Variants in BRI3BP observed in about 807,000 individuals in gnomAD.
BRI3BP encodes BRI3 binding protein, also known as BRI3-binding protein.
Under a neutral mutation model 15.8 loss-of-function variants are expected in BRI3BP, and 7 were observed. The ratio of observed to expected loss-of-function variants is 0.44; its 90% CI spans 0.25 to 0.83. The LOEUF is 0.83. Ranked by LOEUF, BRI3BP falls within the 40% of genes least tolerant of loss-of-function variation. The pLI, the probability that BRI3BP is intolerant of heterozygous loss-of-function variation, is 0.20. For synonymous variants in BRI3BP, 192 were observed against 163.5 expected (o/e 1.17, Z -1.33); for missense variants, 320 against 339.3 (o/e 0.94, Z 0.45).
chr12:125,042,479 C>CT, the BRI3BP span, among the ~76,000 whole-genome samples: 2,013 of 143,000 alleles, frequency 0.014, 33 homozygotes, highest in African/African-American at 0.046. Context: ...TGAATTTCAT[C>CT]TTTTTTTTTT....
At chr12:125,011,615 C>T (rs73229601) in intron 1 of BRI3BP, among the ~76,000 whole-genome samples, 20,813 of 152,066 alleles carry the variant, frequency 0.14, 1,535 homozygotes, top group Admixed American at 0.16. Flanking sequence ...AGGGTTCCTC[C>T]GGAGGGGGAT....
At chr12:125,049,367 C>T in the BRI3BP span, among the ~76,000 whole-genome samples, 3 of 152,168 alleles carry the variant, frequency 2.0e-5, no homozygotes, top group Non-Finnish European at 4.4e-5. Flanking sequence ...AGCTTGGTTC[C>T]CTCCTATTCC....
intron 2 of BRI3BP, among the ~76,000 whole-genome samples, chr12:125,024,324 A>C (rs1955328514): frequency 8.2e-6 from 1 of 121,640 alleles, no homozygotes; most frequent in Admixed American, 9.1e-5. Flanking sequence ...ATCACCCCCC[A>C]CGAGGTTCCT....
At chr12:124,998,646 G>A (rs1214405737) in intron 1 of BRI3BP, among the ~76,000 whole-genome samples, 3 of 152,146 alleles carry the variant, frequency 2.0e-5, no homozygotes, top group African/African-American at 7.2e-5. Flanking sequence ...TTGATCTAGG[G>A]TTTCCTTTTG....
chr12:125,013,446 A>G (rs1316453973), intron 2 of BRI3BP, among the ~76,000 whole-genome samples: 3 of 152,228 alleles, frequency 2.0e-5, no homozygotes, highest in African/African-American at 7.2e-5. Flanking sequence ...CACAACAACT[A>G]GACTTTGCAT....
intron 1 of BRI3BP, among the ~76,000 whole-genome samples, chr12:124,995,527 CTT>C (rs1022083913): frequency 2.0e-5 from 3 of 152,176 alleles, no homozygotes; most frequent in Non-Finnish European, 4.4e-5. Context: ...TTATTTAAGA[CTT>C]TTACTTAAAT....
At chr12:124,999,194 C>T (rs1249159528) in intron 1 of BRI3BP, among the ~76,000 whole-genome samples, 4 of 152,126 alleles carry the variant, frequency 2.6e-5, no homozygotes, top group African/African-American at 7.2e-5. Context: ...AATGCCAGGT[C>T]GAGAAACTAG....
At chr12:125,050,404 C>T in the BRI3BP span, among the ~76,000 whole-genome samples, 5 of 150,760 alleles carry the variant, frequency 3.3e-5, no homozygotes, top group Non-Finnish European at 5.9e-5. Context: ...TAAAAAGGAA[C>T]GCCACCAAAA....
intron 1 of BRI3BP, among the ~76,000 whole-genome samples, chr12:125,000,071 C>CTTT (rs35258984): frequency 7.6e-5 from 3 of 39,378 alleles, no homozygotes; most frequent in East Asian, 8.8e-4. Context: ...TTTGTTTTTG[C>CTTT]TTTTTTTTTT....
chr12:125,023,428 G>GCT (rs895260992), intron 2 of BRI3BP, among the ~76,000 whole-genome samples: 4 of 152,196 alleles, frequency 2.6e-5, no homozygotes, highest in Non-Finnish European at 4.4e-5. Context: ...TGCAAGAGAG[G>GCT]CTAGGAAATG....
At chr12:125,036,035 G>A (rs932104624), downstream of BRI3BP, among the ~76,000 whole-genome samples, 7 of 148,460 alleles carry the variant, frequency 4.7e-5, no homozygotes, top group Admixed American at 2.1e-4. Context: ...TTAACAAAAT[G>A]AGTAATCTAT....
intron 1 of BRI3BP, among the ~76,000 whole-genome samples, chr12:125,009,634 A>AT (rs1955180143): frequency 6.7e-6 from 1 of 149,110 alleles, no homozygotes; most frequent in African/African-American, 2.5e-5. Flanking sequence ...GGGGGGTCTC[A>AT]TTTTGTTGCC....
At chr12:125,015,512 T>A (rs1026135339) in intron 2 of BRI3BP, among the ~76,000 whole-genome samples, 3 of 152,020 alleles carry the variant, frequency 2.0e-5, no homozygotes, top group African/African-American at 7.2e-5. Flanking sequence ...GATGAATTTC[T>A]GTTGTAAACC....
chr12:124,994,340 A>G (rs888659454), intron 1 of BRI3BP, among the ~76,000 whole-genome samples: 4 of 151,728 alleles, frequency 2.6e-5, no homozygotes, highest in South Asian at 4.2e-4. Flanking sequence ...AATGGCTCCT[A>G]CTGTGAGCCA....
At chr12:125,042,962 T>C in the BRI3BP span, among the ~76,000 whole-genome samples, 3 of 152,166 alleles carry the variant, frequency 2.0e-5, no homozygotes, top group Admixed American at 6.6e-5. Context: ...AAAGATGGAT[T>C]CATTTTATCC....
the BRI3BP span, among the ~76,000 whole-genome samples, chr12:125,048,015 TAA>T: frequency 0.42 from 57,769 of 137,118 alleles, 12,841 homozygotes; most frequent in East Asian, 0.59. Context: ...TTCTTATAGT[TAA>T]AAAAAAAAAA....
At chr12:125,004,012 T>A (rs1222746027) in intron 1 of BRI3BP, among the ~76,000 whole-genome samples, 1 of 147,584 alleles carries the variant, frequency 6.8e-6, no homozygotes. Flanking sequence ...CAACACACAA[T>A]ACCATCATTA....
downstream of BRI3BP, chr12:125,031,236 T>G (rs966125864): frequency 1.3e-5 from 2 of 152,200 alleles, no homozygotes; most frequent in African/African-American, 4.8e-5. Flanking sequence ...ACCAAACATT[T>G]GTGGAGTTTC....
rs1955014962 is a variant in BRI3BP, at chr12:124,993,735, C to A, written c.-56C>A. On this transcript the variant is annotated 5_prime_UTR_variant, in exon 1 of 3. Transcript: ENST00000341446. ...ACCTTGCCCTAGCCGGAGCCCGCTG[C>A]GGCCCAGCGCACGGCCCTCACCCCG... 1.3e-5 allele frequency: 12 copies of A among 941,788 alleles called. No individual in the cohort carries two copies. Among genetic ancestry groups the A allele is most frequent in the Non-Finnish European group, 1.5e-5 (12 of 790,762 alleles). 58.3% of individuals were successfully genotyped at this position (941,788 alleles called of 1,614,324 possible).
Sources: gnomAD v4.1 joint callset for allele counts (sites outside exome capture counted in the v4.1 genomes callset) on GRCh38, gnomAD v4.1.1 for gene constraint, MANE v1.5 for transcripts, NCBI Gene and HGNC (gene_info 2026-07-23, HGNC 2026-07-21) for gene names.